The following INTS3 variants were observed in gnomAD, a reference collection of about 807,000 sequenced individuals.
INTS3 encodes the protein integrator complex subunit 3, also known as SOSS complex subunit A.
In INTS3, 34 loss-of-function variants were observed where a neutral mutation model predicts 146.3. The observed-to-expected ratio is 0.23, with a 90% CI of 0.18 to 0.31. The LOEUF is 0.31. Among genes scored for constraint, INTS3 ranks in the 10% least tolerant of loss-of-function variants. The probability of loss-of-function intolerance (pLI) is 1.00; values close to 1 mark genes in which losing one functional copy is unlikely to be tolerated. For missense variants in INTS3, 757 were observed against 1,304.2 expected, an observed-to-expected ratio of 0.58 and a Z score of 6.46; for synonymous variants, 475 against 494.9, an observed-to-expected ratio of 0.96 and a Z score of 0.53.
intron 1 of INTS3, among the ~76,000 whole-genome samples, chr1:153,734,939 A>G (rs942395775): frequency 2.6e-5 from 4 of 152,072 alleles, no homozygotes; most frequent in African/African-American, 9.7e-5. Flanking sequence ...TAGTTGTGCA[A>G]TTGCTGAGCT....
At chr1:153,750,299 C>A (rs544060581) in intron 6 of INTS3, among the ~76,000 whole-genome samples, 3 of 152,350 alleles carry the variant, frequency 2.0e-5, no homozygotes, top group African/African-American at 7.2e-5. Flanking sequence ...CACTTAGAGA[C>A]AGGATTAGAG....
At chr1:153,754,519 C>T in intron 8 of INTS3, 123 bp from the exon 9 acceptor site, 1 of 758,274 alleles carries the variant, frequency 1.3e-6, no homozygotes, top group South Asian at 1.5e-5. Context: ...TTGGTCTTGT[C>T]TTGGAATTTC....
intron 2 of INTS3, 138 bp downstream of exon 2, chr1:153,740,872 C>G: frequency 8.4e-6 from 6 of 718,410 alleles, no homozygotes; most frequent in Non-Finnish European, 1.5e-5. Context: ...TCAAATTTCT[C>G]AATTCTTCTC....
At chr1:153,767,474 G>A (rs956941786) in intron 20 of INTS3, 200 bp from the exon 21 acceptor site, 2 of 478,446 alleles carry the variant, frequency 4.2e-6, no homozygotes, top group Non-Finnish European at 7.3e-6. Context: ...CTCTGGGGAA[G>A]GATGGACAGA....
At chr1:153,762,995 G>T in intron 15 of INTS3, 148 bp downstream of exon 15, 1 of 1,153,960 alleles carries the variant, frequency 8.7e-7, no homozygotes, top group Non-Finnish European at 1.2e-6. Flanking sequence ...ACTCCAGAAT[G>T]CAGAGCCCTG....
intron 8 of INTS3, among the ~76,000 whole-genome samples, chr1:153,752,636 T>G (rs935554000): frequency 2.6e-5 from 4 of 152,148 alleles, no homozygotes; most frequent in Non-Finnish European, 5.9e-5. Flanking sequence ...GCTGCCACAT[T>G]ACTACTAAGA....
chr1:153,768,948 T>C lies in INTS3; in HGVS notation c.2300T>C (p.Ile767Thr). 1 of 1,613,842 alleles carries C rather than the reference T, an allele frequency of 6.2e-7. No homozygotes were observed. Among genetic ancestry groups the C allele is most frequent in the Non-Finnish European group, 8.5e-7 (1 of 1,179,770 alleles). The change falls in exon 22 of 30, where the codon ATT (isoleucine) becomes ACT (threonine). Residue 767 changes from isoleucine (I) to threonine (T), a missense_variant. Transcript: ENST00000318967. ...CTGCTGAACATGATCGTGGCTGTTA[T>C]TGACTCTGCACAGGTGAACATTGAG... ...GELLNMIVAV[I>T]DSAQLQELVC...
At chr1:153,756,873 A>G (rs1325925154) in intron 9 of INTS3, among the ~76,000 whole-genome samples, 1 of 152,228 alleles carries the variant, frequency 6.6e-6, no homozygotes, top group African/African-American at 2.4e-5. Flanking sequence ...TGCATTTCAC[A>G]TGCATAATAG....
intron 18 of INTS3, among the ~76,000 whole-genome samples, chr1:153,764,486 C>G (rs931096205): frequency 1.3e-5 from 2 of 152,208 alleles, no homozygotes; most frequent in African/African-American, 2.4e-5. Context: ...GTGATTGGAC[C>G]TTGGCCTGGA....
At chr1:153,767,395 C>A in intron 20 of INTS3, 1 of 364,772 alleles carries the variant, frequency 2.7e-6, no homozygotes, top group Non-Finnish European at 4.9e-6. Flanking sequence ...CCTGAGCCCT[C>A]CCTCTTCTGT....
In INTS3 at chr1:153,752,148, G is replaced by A. The variant is rs557233437; in HGVS notation, c.730-131G>A. Reference sequence around the variant, plus strand: ...AGGAGCCAATCCTTTGGTTCCAGAAGAAATCATAGTTTCTTCAACCCTCTT... The same window carrying A: ...AGGAGCCAATCCTTTGGTTCCAGAAAAAATCATAGTTTCTTCAACCCTCTT... On this transcript the variant is annotated intron_variant, in intron 7 of 29. Coordinates refer to ENST00000318967, the MANE Select transcript of INTS3 (RefSeq NM_023015.5). 1.1e-3 allele frequency: 1,060 copies of A among 933,210 alleles called. 17 individuals are homozygous for A. The South Asian group carries it at 0.013, about 11-fold the overall frequency. The allele number at this position is 933,210 out of a possible 1,614,324, so 57.8% of individuals were successfully genotyped here.
intron 1 of INTS3, among the ~76,000 whole-genome samples, chr1:153,730,814 A>G (rs963644701): frequency 1.3e-5 from 2 of 151,818 alleles, no homozygotes; most frequent in African/African-American, 4.8e-5. Context: ...TGTCCTTTGC[A>G]TTTGAATTTT....
chr1:153,755,734 G>A (rs2101809508), intron 9 of INTS3, among the ~76,000 whole-genome samples: 1 of 152,280 alleles, frequency 6.6e-6, no homozygotes, highest in East Asian at 1.9e-4. Context: ...TAGTCTGCAG[G>A]ACTAGGTATG....
At chr1:153,766,426 T>A (rs980377330) in intron 20 of INTS3, 20 of 152,104 alleles carry the variant, frequency 1.3e-4, no homozygotes, top group African/African-American at 4.3e-4. Flanking sequence ...GCCTCCCGAG[T>A]AGCTGGGACT....
chr1:153,754,131 C>T (rs1672073796), intron 8 of INTS3, among the ~76,000 whole-genome samples: 1 of 151,996 alleles, frequency 6.6e-6, no homozygotes, highest in African/African-American at 2.4e-5. Context: ...TCATGTCAGG[C>T]AGGTAATGTG....
At chr1:153,762,675 A>T in intron 14 of INTS3, 53 bp from the exon 15 acceptor site, 1 of 1,605,984 alleles carries the variant, frequency 6.2e-7, no homozygotes, top group Non-Finnish European at 8.5e-7. Flanking sequence ...AGCATGGGGC[A>T]TGTTAGAGGA....
chr1:153,760,043 T>C, intron 11 of INTS3: 2 of 549,420 alleles, frequency 3.6e-6, no homozygotes, highest in Admixed American at 3.1e-5. Context: ...CATTCATGTA[T>C]ATTGACATCC....
intron 6 of INTS3, among the ~76,000 whole-genome samples, chr1:153,749,137 A>G (rs1038300406): frequency 2.6e-5 from 4 of 152,106 alleles, no homozygotes; most frequent in Admixed American, 2.0e-4. Flanking sequence ...AAGCTTCTCC[A>G]TCCAACCCCT....
At chr1:153,754,420 A>C (rs1269975694) in intron 8 of INTS3, among the ~76,000 whole-genome samples, 3 of 152,122 alleles carry the variant, frequency 2.0e-5, no homozygotes, top group Admixed American at 2.0e-4. Context: ...AGAAGACAGG[A>C]AGTAATATAG....
Sources: allele counts gnomAD v4.1 joint callset (sites outside exome capture counted in the v4.1 genomes callset), GRCh38; gene constraint gnomAD v4.1.1; transcripts MANE v1.5; gene names NCBI Gene and HGNC (gene_info 2026-07-23, HGNC 2026-07-21).